LYPD1: variants seen among roughly 807,000 people sequenced by gnomAD.
LYPD1 encodes LY6/PLAUR domain containing 1, also known as ly6/PLAUR domain-containing protein 1.
A neutral mutation model predicts 14.2 loss-of-function variants in LYPD1; 14 were observed. That is an observed-to-expected ratio of 0.99 (90% confidence interval 0.65 to 1.54). LYPD1 has a LOEUF of 1.54. Among genes scored for constraint, LYPD1 ranks in the 40% most tolerant of loss-of-function variants. LYPD1 has a pLI of 0.00. For synonymous variants in LYPD1, 85 were observed against 70.6 expected (o/e 1.20, Z -1.02); for missense variants, 165 against 175.7 (o/e 0.94, Z 0.34).
intron 2 of LYPD1, among the ~76,000 whole-genome samples, chr2:132,648,348 C>T (rs183605356): frequency 4.6e-5 from 7 of 152,358 alleles, no homozygotes; most frequent in Non-Finnish European, 7.3e-5. Flanking sequence ...AGTACCCCTG[C>T]CTGTTCCAGG....
chr2:132,668,217 CTCTAAT>C (rs1683395351), intron 2 of LYPD1, among the ~76,000 whole-genome samples, 177 bp downstream of exon 2: 1 of 41,954 alleles, frequency 2.4e-5, no homozygotes, highest in Non-Finnish European at 8.2e-5. Context: ...TGGTAATTAA[CTCTAAT>C]GAGATTAAAG....
intron 2 of LYPD1, among the ~76,000 whole-genome samples, chr2:132,651,781 G>A (rs1360318232): frequency 6.6e-6 from 1 of 152,236 alleles, no homozygotes; most frequent in African/African-American, 2.4e-5. Context: ...TGGTGTGTCT[G>A]CAGGGGGATG....
intron 2 of LYPD1, among the ~76,000 whole-genome samples, chr2:132,650,397 G>A (rs1183440388): frequency 1.3e-5 from 2 of 152,120 alleles, no homozygotes; most frequent in African/African-American, 2.4e-5. Flanking sequence ...TGAAGGCAAC[G>A]TGGCAATAGC....
rs1385777332 is a variant in LYPD1 at position 132,643,359 on chromosome 2, A to G, written c.*2686T>C. On this transcript the variant is annotated 3_prime_UTR_variant, in exon 3 of 3. Transcript: ENST00000397463. ...AGAAACCTGTGGAAATTAACAAAGG[A>G]GAAGAGTTTCCAAGGCCTTCCTTGC... 6.6e-5 allele frequency among the ~76,000 whole-genome samples: 10 copies of G among 152,216 alleles called. No individual in the cohort carries two copies. The highest frequency in any genetic ancestry group is 1.5e-4 in the Non-Finnish European group (10 of 68,048).
chr2:132,669,712 GAC>G lies in LYPD1; in HGVS notation c.52+167_52+168del, dbSNP rs1024051355. 11 of 1,367,366 alleles carry G rather than the reference GAC, an allele frequency of 8.0e-6. No individual in the cohort carries two copies. The African/African-American group carries it at 1.5e-4, about 19-fold the overall frequency. 84.7% of individuals were successfully genotyped at this position (1,367,366 alleles called of 1,614,324 possible). ...CTCTCCTCCTGCAGCGCGGGACTTGGACACTTTCCCAGCCTCGCGCCCCGGGG... is the reference window on the plus strand; with the variant it reads ...CTCTCCTCCTGCAGCGCGGGACTTGGACTTTCCCAGCCTCGCGCCCCGGGG... On this transcript the variant is annotated intron_variant, in intron 1 of 2. Coordinates refer to ENST00000397463, the MANE Select transcript of LYPD1 (RefSeq NM_144586.7). This position sits in a 1 kb window ranked among gnomAD's most constrained non-coding sequence, Gnocchi z 4.3.
intron 2 of LYPD1, among the ~76,000 whole-genome samples, chr2:132,659,899 A>C (rs185642314): frequency 3.3e-5 from 5 of 152,364 alleles, no homozygotes; most frequent in Admixed American, 2.0e-4. Flanking sequence ...CATTTTGCAT[A>C]AGTAATAGAA....
upstream of LYPD1, among the ~76,000 whole-genome samples, chr2:132,670,639 G>A (rs2104935824): frequency 6.6e-6 from 1 of 152,250 alleles, no homozygotes; most frequent in African/African-American, 2.4e-5. The surrounding 1 kb of genome is among the most constrained non-coding windows in gnomAD (Gnocchi z 4.5). Flanking sequence ...TCCCGCTGCG[G>A]GCCGCGGGAG....
At chr2:132,671,098 A>C (rs1683690660), upstream of LYPD1, 1 of 152,416 alleles carries the variant, frequency 6.6e-6, no homozygotes, top group African/African-American at 2.4e-5. Context: ...CTGAAAGGCC[A>C]TCCCAGCCTC....
At chr2:132,670,807 T>C (rs1021494120), upstream of LYPD1, among the ~76,000 whole-genome samples, 2 of 152,078 alleles carry the variant, frequency 1.3e-5, no homozygotes, top group African/African-American at 4.8e-5. This position sits in a 1 kb window ranked among gnomAD's most constrained non-coding sequence, Gnocchi z 4.5. Flanking sequence ...CCAATCTGGG[T>C]GGGGGTGTGG....
intron 2 of LYPD1, among the ~76,000 whole-genome samples, chr2:132,665,144 G>A (rs1573755824): frequency 2.0e-5 from 3 of 152,144 alleles, no homozygotes; most frequent in Admixed American, 1.3e-4. Flanking sequence ...CTGGGGAATA[G>A]GTAAAGGTTA....
At chr2:132,653,932 A>G (rs1466040867) in intron 2 of LYPD1, among the ~76,000 whole-genome samples, 1 of 152,240 alleles carries the variant, frequency 6.6e-6, no homozygotes, top group Non-Finnish European at 1.5e-5. Context: ...TGTCAACATC[A>G]CAAAAGACAT....
chr2:132,651,953 A>T (rs1361167661), intron 2 of LYPD1, among the ~76,000 whole-genome samples: 3 of 152,174 alleles, frequency 2.0e-5, no homozygotes, highest in Admixed American at 6.5e-5. Context: ...AAAGAACACC[A>T]CGGTTCGGCA....
intron 2 of LYPD1, among the ~76,000 whole-genome samples, chr2:132,661,454 AT>A (rs34636467): frequency 0.2 from 30,514 of 152,120 alleles, 9,440 homozygotes; most frequent in African/African-American, 0.66. Flanking sequence ...ATCCCATTCC[AT>A]TCTCATTCTA....
At chr2:132,647,395 G>T (rs1682154749) in intron 2 of LYPD1, among the ~76,000 whole-genome samples, 1 of 152,218 alleles carries the variant, frequency 6.6e-6, no homozygotes, top group African/African-American at 2.4e-5. Flanking sequence ...TTTTTAGGGG[G>T]AGAGGGTTTA....
At chr2:132,654,494 G>A (rs1682480117) in intron 2 of LYPD1, among the ~76,000 whole-genome samples, 1 of 152,032 alleles carries the variant, frequency 6.6e-6, no homozygotes, top group South Asian at 2.1e-4. Context: ...AAATACGCTT[G>A]ACCACTCTCA....
chr2:132,669,721 C>T lies in LYPD1; in HGVS notation c.52+160G>A, dbSNP rs1683529788. 1 of 1,412,848 alleles carries T rather than the reference C, an allele frequency of 7.1e-7. No homozygotes were observed. The highest frequency in any genetic ancestry group is 9.3e-7 in the Non-Finnish European group (1 of 1,077,786). The allele number at this position is 1,412,848 out of a possible 1,614,324, so 87.5% of individuals were successfully genotyped here. On this transcript the variant is annotated intron_variant, in intron 1 of 2. Transcript: ENST00000397463. This position sits in a 1 kb window ranked among gnomAD's most constrained non-coding sequence, Gnocchi z 4.3. ...TGCAGCGCGGGACTTGGACACTTTC[C>T]CAGCCTCGCGCCCCGGGGCACCAGT...
rs1682052076 is a variant in LYPD1 at position 132,646,009 on chromosome 2, A to AG, written c.*35dup. The AG allele has an allele frequency of 2.1e-6, 3 of 1,462,574 alleles. No individual in the cohort carries two copies. In the East Asian group the frequency reaches 7.1e-5, roughly 35 times the overall value. The allele number at this position is 1,462,574 out of a possible 1,614,324, so 90.6% of individuals were successfully genotyped here. A position where few individuals can be genotyped will look rare whatever the true frequency, so the allele number is the denominator to read the frequency against. On this transcript the variant is annotated 3_prime_UTR_variant, in exon 3 of 3. Coordinates refer to ENST00000397463, the MANE Select transcript of LYPD1 (RefSeq NM_144586.7). Reference sequence around the variant, plus strand: ...TGGGGGGTTGGGGGCGAGGGCTGGAAGAACAATGCAGGAGGGGGTGGCATC... The same window carrying AG: ...TGGGGGGTTGGGGGCGAGGGCTGGAAGGAACAATGCAGGAGGGGGTGGCATC...
intron 2 of LYPD1, among the ~76,000 whole-genome samples, chr2:132,649,437 G>T (rs1682268731): frequency 6.6e-6 from 1 of 152,160 alleles, no homozygotes; most frequent in Non-Finnish European, 1.5e-5. Context: ...AGAAAGAAAA[G>T]CTTTCCAGGT....
chr2:132,645,192 G>A lies in LYPD1; in HGVS notation c.*853C>T, dbSNP rs751474067. Reference sequence around the variant, plus strand: ...CCAAACCCAAGCACGACTGGACGAGGTCCTACTTCCGGGCGTACATGATCC... The same window carrying A: ...CCAAACCCAAGCACGACTGGACGAGATCCTACTTCCGGGCGTACATGATCC... On this transcript the variant is annotated 3_prime_UTR_variant, in exon 3 of 3. Transcript: ENST00000397463. 19 of 1,614,168 alleles carry A rather than the reference G, an allele frequency of 1.2e-5. No homozygotes were observed. The highest frequency in any genetic ancestry group is 1.6e-4 in the Middle Eastern group (1 of 6,062).
Sources: allele counts gnomAD v4.1 joint callset (sites outside exome capture counted in the v4.1 genomes callset), GRCh38; gene constraint gnomAD v4.1.1; non-coding constraint Gnocchi (gnomAD v3.1); transcripts MANE v1.5; gene names NCBI Gene and HGNC (gene_info 2026-07-23, HGNC 2026-07-21).